The following BMPER variants were observed in gnomAD, a reference collection of about 807,000 sequenced individuals.
The protein encoded by BMPER is BMP binding endothelial regulator.
In BMPER, 45 loss-of-function variants were observed where a neutral mutation model predicts 87.3. That is an observed-to-expected ratio of 0.52 (90% CI 0.41 to 0.66). BMPER has a LOEUF of 0.66. Among genes scored for constraint, BMPER ranks in the 30% least tolerant of loss-of-function variants. The pLI is 0.00. For synonymous variants in BMPER, 326 were observed against 316.2 expected (o/e 1.03, Z -0.33); for missense variants, 784 against 867.5 (o/e 0.90, Z 1.21).
chr7:33,919,923 ATATCTATCTATCTATC>A (rs61007454), intron 2 of BMPER, among the ~76,000 whole-genome samples: 1 of 150,712 alleles, frequency 6.6e-6, no homozygotes, highest in South Asian at 2.1e-4. Context: ...ATCTGTGTAC[ATATCTATCTATCTATC>A]TATCTATCTA....
chr7:34,124,643 A>G (rs1425547488), intron 13 of BMPER, among the ~76,000 whole-genome samples: 3 of 152,106 alleles, frequency 2.0e-5, no homozygotes, highest in Non-Finnish European at 2.9e-5. Context: ...TCTACAATCT[A>G]TGCATATTAT....
chr7:33,995,070 G>A (rs747333008), intron 6 of BMPER, among the ~76,000 whole-genome samples: 135 of 151,758 alleles, frequency 8.9e-4, no homozygotes, highest in Non-Finnish European at 1.8e-3. Context: ...ACTCTTTTTT[G>A]GGATATGGGA....
At chr7:33,972,044 A>G (rs1428004778) in intron 5 of BMPER, among the ~76,000 whole-genome samples, 1 of 152,092 alleles carries the variant, frequency 6.6e-6, no homozygotes, top group Non-Finnish European at 1.5e-5. Flanking sequence ...CTGGGACTAC[A>G]GGCACCCGCC....
chr7:34,052,767 G>C (rs1361699825), intron 8 of BMPER, among the ~76,000 whole-genome samples: 6 of 151,958 alleles, frequency 3.9e-5, no homozygotes. Flanking sequence ...GCTGGGATTA[G>C]AGCTCAGTAG....
chr7:34,056,865 C>T (rs958455337), intron 9 of BMPER, among the ~76,000 whole-genome samples: 38 of 152,174 alleles, frequency 2.5e-4, no homozygotes, highest in Admixed American at 2.0e-3. Context: ...GTCCACCCTC[C>T]GTGGCCTCCC....
At chr7:34,107,665 C>G (rs561535792) in intron 13 of BMPER, among the ~76,000 whole-genome samples, 3 of 152,106 alleles carry the variant, frequency 2.0e-5, no homozygotes, top group Non-Finnish European at 2.9e-5. Flanking sequence ...TAGGGCAGCT[C>G]TCTGTGTTTT....
intron 2 of BMPER, among the ~76,000 whole-genome samples, chr7:33,918,556 A>G (rs1000206211): frequency 6.6e-6 from 1 of 152,198 alleles, no homozygotes; most frequent in Non-Finnish European, 1.5e-5. Flanking sequence ...GCATCAAGAC[A>G]TTCACATAGC....
intron 3 of BMPER, among the ~76,000 whole-genome samples, chr7:33,951,788 A>G (rs920452412): frequency 1.3e-5 from 2 of 152,188 alleles, no homozygotes; most frequent in African/African-American, 2.4e-5. Flanking sequence ...TATTTAGTGT[A>G]GTACTGTTGG....
intron 13 of BMPER, among the ~76,000 whole-genome samples, chr7:34,112,632 T>C (rs1790008097): frequency 6.6e-6 from 1 of 152,062 alleles, no homozygotes; most frequent in African/African-American, 2.4e-5. Flanking sequence ...TCAGGTCATA[T>C]TGTGTATACT....
intron 6 of BMPER, among the ~76,000 whole-genome samples, chr7:34,012,653 C>T (rs1370585257): frequency 6.6e-6 from 1 of 151,612 alleles, no homozygotes; most frequent in Non-Finnish European, 1.5e-5. Flanking sequence ...AAAAATAAAA[C>T]CAAAGAAAAT....
At chr7:33,966,870 A>G (rs1025978333) in intron 4 of BMPER, among the ~76,000 whole-genome samples, 1 of 152,244 alleles carries the variant, frequency 6.6e-6, no homozygotes. Flanking sequence ...CTGTGAAGTC[A>G]TCTTTGAGCA....
intron 3 of BMPER, among the ~76,000 whole-genome samples, chr7:33,960,633 T>G (rs923784477): frequency 6.6e-6 from 1 of 152,170 alleles, no homozygotes; most frequent in Non-Finnish European, 1.5e-5. Flanking sequence ...AAACCAGTAG[T>G]TAGGGAACCA....
At chr7:34,102,377 C>T (rs1162592600) in intron 13 of BMPER, among the ~76,000 whole-genome samples, 2 of 152,190 alleles carry the variant, frequency 1.3e-5, no homozygotes, top group South Asian at 4.1e-4. Context: ...CCATTTAGAC[C>T]TGTGGTGGTC....
chr7:34,062,336 A>G (rs545565552), intron 11 of BMPER, among the ~76,000 whole-genome samples: 2 of 152,328 alleles, frequency 1.3e-5, no homozygotes, highest in Admixed American at 1.3e-4. Flanking sequence ...GTGCATTTTA[A>G]CTGCTAATAG....
chr7:34,110,379 A>T (rs765776878), intron 13 of BMPER, among the ~76,000 whole-genome samples: 1 of 152,096 alleles, frequency 6.6e-6, no homozygotes, highest in Non-Finnish European at 1.5e-5. Context: ...GAGAGTAGGA[A>T]AGTGGATGCA....
intron 13 of BMPER, among the ~76,000 whole-genome samples, chr7:34,118,738 G>C (rs1488703916): frequency 6.6e-6 from 1 of 152,142 alleles, no homozygotes; most frequent in African/African-American, 2.4e-5. Context: ...TTAATATTTA[G>C]ATTAGCAGAC....
chr7:34,143,141 T>C (rs1320238859), intron 13 of BMPER, 89 bp from the exon 14 acceptor site: 2 of 1,578,028 alleles, frequency 1.3e-6, no homozygotes, highest in South Asian at 1.1e-5. Flanking sequence ...AATCAGGTTT[T>C]CCCATCTACG....
At chr7:33,955,371 C>T (rs191707060) in intron 3 of BMPER, among the ~76,000 whole-genome samples, 11 of 152,302 alleles carry the variant, frequency 7.2e-5, no homozygotes, top group Admixed American at 1.3e-4. Flanking sequence ...TTGAATCAGA[C>T]GTCTCTTCTG....
rs1162091523 is a variant in BMPER at position 33,905,749 on chromosome 7, A to G, written c.133+3A>G. On this transcript the variant is annotated splice_donor_region_variant and intron_variant, in intron 1 of 14. Transcript: ENST00000649409. ...TCTGGCTTCCTCCTTCTTGACAGGT[A>G]GGGGAGGGGGCGGGAGGGACCGGCC... 9 of 627,728 alleles carry G rather than the reference A, an allele frequency of 1.4e-5. No homozygotes were observed. The highest frequency in any genetic ancestry group is 2.1e-5 in the African/African-American group (1 of 48,318). 38.9% of individuals were successfully genotyped at this position (627,728 alleles called of 1,614,324 possible). A position where few individuals can be genotyped will look rare whatever the true frequency, so the allele number is the denominator to read the frequency against.
Sources: allele counts gnomAD v4.1 joint callset (sites outside exome capture counted in the v4.1 genomes callset), GRCh38; gene constraint gnomAD v4.1.1; transcripts MANE v1.5; gene names NCBI Gene and HGNC (gene_info 2026-07-23, HGNC 2026-07-21).